Variants in CLDND2 observed in about 807,000 individuals in gnomAD.
The protein encoded by CLDND2 is claudin domain-containing protein 2.
A neutral mutation model predicts 17.7 loss-of-function variants in CLDND2; 18 were observed. That is an observed-to-expected ratio of 1.02 (90% CI 0.70 to 1.51). The LOEUF (loss-of-function observed/expected upper bound fraction) is 1.51. Among genes scored for constraint, CLDND2 ranks in the 40% most tolerant of loss-of-function variants. The pLI is 0.00. For missense variants in CLDND2, 233 were observed against 219.6 expected (o/e 1.06, Z -0.39); for synonymous variants, 113 against 93.0 (o/e 1.22, Z -1.24).
chr19:51,366,755 C>T (rs185361743), downstream of CLDND2, among the ~76,000 whole-genome samples: 49 of 152,208 alleles, frequency 3.2e-4, no homozygotes, highest in African/African-American at 1.1e-3. Context: ...TACTCGTATT[C>T]CCACGCCTCT....
chr19:51,368,739 A>G lies in CLDND2; in HGVS notation c.-162T>C, dbSNP rs1460447522. 6.7e-6 allele frequency: 4 copies of G among 600,710 alleles called. No homozygotes were observed. The African/African-American group carries it at 7.6e-5, about 11-fold the overall frequency. 37.2% of individuals were successfully genotyped at this position (600,710 alleles called of 1,614,324 possible). ...ACCTGGAGACCCCCCTCCCTCAACA[A>G]CCCTGCCTGAGGATCCACAACCTCC... On this transcript the variant is annotated 5_prime_UTR_variant, in exon 1 of 4. Coordinates refer to ENST00000291715, the MANE Select transcript of CLDND2 (RefSeq NM_152353.3).
At position 51,368,679 on chromosome 19, in the gene CLDND2, C is replaced by G. The variant is rs1054389133; in HGVS notation, c.-102G>C. 2.8e-5 allele frequency: 28 copies of G among 1,002,928 alleles called. No individual in the cohort carries two copies. Among genetic ancestry groups the G allele is most frequent in the Non-Finnish European group, 3.7e-5 (26 of 700,776 alleles). The allele number at this position is 1,002,928 out of a possible 1,614,324, so 62.1% of individuals were successfully genotyped here. A position where few individuals can be genotyped will look rare whatever the true frequency, so the allele number is the denominator to read the frequency against. ...GAGCCCGCTTCCTCCACACTCCTCC[C>G]CTGGTACTCCTGCCTGAGGTCCCTG... On this transcript the variant is annotated 5_prime_UTR_variant, in exon 1 of 4. Transcript: ENST00000291715.
Position 51,368,511 on chromosome 19 carries a change from C to A in CLDND2, c.67G>T (p.Val23Leu). Residue 23 changes from valine to leucine, a missense_variant, in exon 1 of 4, where the codon GTG becomes TTG. By Grantham distance (32) the Val-to-Leu change is conservative. Transcript: ENST00000291715. ...CAGTAGTTGGTGGCCGTGGAGAGCA[C>A]CATGAGGACGTTGGCCACGAGGCTG... ...LLSLVANVLM[V>L]LSTATNYWTR... The A allele has an allele frequency of 6.2e-7, 1 of 1,614,126 alleles. No individual in the cohort carries two copies. The highest frequency in any genetic ancestry group is 1.1e-5 in the South Asian group (1 of 91,088).
chr19:51,368,722 A>AC lies in CLDND2; in HGVS notation c.-146dup, dbSNP rs1240967001. The AC allele has an allele frequency of 4.5e-6, 3 of 670,096 alleles. No individual in the cohort carries two copies. Among genetic ancestry groups the AC allele is most frequent in the African/African-American group, 1.9e-5 (1 of 53,972 alleles). 41.5% of individuals were successfully genotyped at this position (670,096 alleles called of 1,614,324 possible). A position where few individuals can be genotyped will look rare whatever the true frequency, so the allele number is the denominator to read the frequency against. The stretch of plus-strand genomic sequence containing the variant: ...GGTCCCTGCTTCTGGGGACCTGGAG[A>AC]CCCCCCTCCCTCAACAACCCTGCCT... On this transcript the variant is annotated 5_prime_UTR_variant, in exon 1 of 4. Transcript: ENST00000291715.
chr19:51,367,262 G>A lies in CLDND2; in HGVS notation c.431-47C>T. The A allele has an allele frequency of 6.3e-7, 1 of 1,599,338 alleles. No individual in the cohort carries two copies. The highest frequency in any genetic ancestry group is 8.6e-7 in the Non-Finnish European group (1 of 1,167,296). On this transcript the variant is annotated intron_variant, in intron 3 of 3. Transcript: ENST00000291715. This position sits in a 1 kb window ranked among gnomAD's most constrained non-coding sequence, Gnocchi z 7.4. ...GCAGGGAGAGGAAGGTGGGCCCTGG[G>A]GCGGATGGCCGGGAGGGCCCCGGGG...
rs978265468 is a variant in CLDND2, at chr19:51,367,653, GC to G, written c.311-78del. On this transcript the variant is annotated intron_variant, in intron 2 of 3. Coordinates refer to ENST00000291715, the MANE Select transcript of CLDND2 (RefSeq NM_152353.3). This position sits in a 1 kb window ranked among gnomAD's most constrained non-coding sequence, Gnocchi z 7.4. ...ACCCAGGCCACGCCCCTTCAGACCC[GC>G]CCCCTTCTATCAGACCACGCCTATC... The G allele has an allele frequency of 1.2e-5, 19 of 1,535,810 alleles. No homozygotes were observed. The South Asian group carries it at 1.9e-4, about 16-fold the overall frequency.
chr19:51,368,653 G>A lies in CLDND2; in HGVS notation c.-76C>T. On this transcript the variant is annotated 5_prime_UTR_variant, in exon 1 of 4. Coordinates refer to ENST00000291715, the MANE Select transcript of CLDND2 (RefSeq NM_152353.3). ...TTCCTACCCCGAGGCCCCCAGCTGA[G>A]GAGCCCGCTTCCTCCACACTCCTCC... The A allele has an allele frequency of 7.5e-7, 1 of 1,341,972 alleles. No homozygotes were observed. Among genetic ancestry groups the A allele is most frequent in the Admixed American group, 2.2e-5 (1 of 44,972 alleles). The allele number at this position is 1,341,972 out of a possible 1,614,324, so 83.1% of individuals were successfully genotyped here.
chr19:51,368,211 C>T (rs1568474113), intron 1 of CLDND2, 185 bp from the exon 2 acceptor site: 1 of 870,776 alleles, frequency 1.1e-6, no homozygotes. Context: ...GCGGTTACTG[C>T]CGCTACCAGG....
Position 51,368,434 on chromosome 19 carries a change from G to C in CLDND2, c.144C>G (p.Gly48=). ...HSGLWQECNH[G]ICSSIPCQTT... Reference sequence around the variant, plus strand: ...TCTGGCAGGGGATGCTGGAGCAGATGCCGTGGTTGCATTCCTGCCACAGGC... The same window carrying C: ...TCTGGCAGGGGATGCTGGAGCAGATCCCGTGGTTGCATTCCTGCCACAGGC... Residue 48 remains glycine, a synonymous_variant, in exon 1 of 4, where the codon GGC becomes GGG. Transcript: ENST00000291715. 1 of 1,613,500 alleles carries C rather than the reference G, an allele frequency of 6.2e-7. No homozygotes were observed. The highest frequency in any genetic ancestry group is 1.6e-4 in the Middle Eastern group (1 of 6,062).
rs1310555112 is a variant in CLDND2, at chr19:51,368,484, T to A, written c.94A>T (p.Thr32Ser). The change falls in exon 1 of 4, where the codon ACC (threonine) becomes TCC (serine). Residue 32 changes from threonine (T) to serine (S), a missense_variant. Coordinates refer to ENST00000291715, the MANE Select transcript of CLDND2 (RefSeq NM_152353.3). Reference sequence around the variant, plus strand: ...CCACTGTGGCCCTCTTGTTGGCGGGTCCAGTAGTTGGTGGCCGTGGAGAGC... The same window carrying A: ...CCACTGTGGCCCTCTTGTTGGCGGGACCAGTAGTTGGTGGCCGTGGAGAGC... ...MVLSTATNYW[T>S]RQQEGHSGLW... 1 of 1,613,858 alleles carries A rather than the reference T, an allele frequency of 6.2e-7. No individual in the cohort carries two copies. Among genetic ancestry groups the A allele is most frequent in the African/African-American group, 1.3e-5 (1 of 74,916 alleles).
In CLDND2 at chr19:51,367,885, C is replaced by T. The variant is rs759041609; in HGVS notation, c.310+1G>A. On this transcript the variant is annotated splice_donor_variant, in intron 2 of 3. Transcript: ENST00000291715. LOFTEE classifies it high-confidence loss of function. This position sits in a 1 kb window ranked among gnomAD's most constrained non-coding sequence, Gnocchi z 7.4. ...CCGCCTGGGGCGGTCTGCAGTCTCA[C>T]CGCCGAGGAAGAGGAAGGCGCTCGT... 6.2e-7 allele frequency: 1 copy of T among 1,610,214 alleles called. No homozygotes were observed. The highest frequency in any genetic ancestry group is 1.1e-5 in the South Asian group (1 of 90,942).
At position 51,367,494 on chromosome 19, in the gene CLDND2, A is replaced by G. The variant is rs1324972016; in HGVS notation, c.393T>C (p.Phe131=). ...KNNVFFSWSY[F]SGWLALPFSI... is the part of the protein sequence containing the mutation. ...AGAAGGGTAAGGCCAGCCACCCAGA[A>G]AAATAGGACCAAGAGAAGAAGACGT... Residue 131 remains phenylalanine, a synonymous_variant, in exon 3 of 4, where the codon TTT becomes TTC. Transcript: ENST00000291715. This position sits in a 1 kb window ranked among gnomAD's most constrained non-coding sequence, Gnocchi z 7.4. 6.2e-7 allele frequency: 1 copy of G among 1,607,158 alleles called. No individual in the cohort carries two copies. Among genetic ancestry groups the G allele is most frequent in the Non-Finnish European group, 8.5e-7 (1 of 1,176,378 alleles).
At position 51,368,597 on chromosome 19, in the gene CLDND2, G is replaced by C; in HGVS notation, c.-20C>G. ...CCCCATGCCACTGAGGCTGCAGCCG[G>C]GGGCCACAAGGGCAGGATGGGCCCA... On this transcript the variant is annotated 5_prime_UTR_variant, in exon 1 of 4. Coordinates refer to ENST00000291715, the MANE Select transcript of CLDND2 (RefSeq NM_152353.3). 2 of 1,607,008 alleles carry C rather than the reference G, an allele frequency of 1.2e-6. No homozygotes were observed. The highest frequency in any genetic ancestry group is 1.7e-6 in the Non-Finnish European group (2 of 1,177,570).
At position 51,367,459 on chromosome 19, in the gene CLDND2, G is replaced by C. The variant is rs748645509; in HGVS notation, c.428C>G (p.Ala143Gly). 1.0e-5 allele frequency: 16 copies of C among 1,597,854 alleles called. No homozygotes were observed. The highest frequency in any genetic ancestry group is 6.8e-6 in the Non-Finnish European group (8 of 1,171,364). ...GWLALPFSILAGFCFLLADMI... is the reference protein window; with the variant it reads ...GWLALPFSILGGFCFLLADMI... ...CCTCTTCCCGCTGTCCAGTTTACCC[G>C]CGAGAATTGAGAAGGGTAAGGCCAG... Residue 143 changes from alanine (A) to glycine (G), a missense_variant and splice_region_variant, in exon 3 of 4, where the codon GCG becomes GGG. Transcript: ENST00000291715. The surrounding 1 kb of genome is among the most constrained non-coding windows in gnomAD (Gnocchi z 7.4).
At position 51,367,567 on chromosome 19, in the gene CLDND2, A is replaced by T; in HGVS notation, c.320T>A (p.Leu107Gln). 6.2e-7 allele frequency: 1 copy of T among 1,611,968 alleles called. No homozygotes were observed. ...GGTGTAGCCTATCAAGGCGGTCAGC[A>T]GCAGCAGTCCTGGGCCCCGCCCAGC... ...SAFLFLGGLL[L>Q]LTALIGYTVK... Residue 107 changes from leucine (L) to glutamine (Q), a missense_variant, in exon 3 of 4, where the codon CTG (leucine) becomes CAG (glutamine). Physicochemically the swap from Leu to Gln is moderately radical, Grantham distance 113 (BLOSUM62 -2). Coordinates refer to ENST00000291715, the MANE Select transcript of CLDND2 (RefSeq NM_152353.3). This position sits in a 1 kb window ranked among gnomAD's most constrained non-coding sequence, Gnocchi z 7.4.
In CLDND2 at chr19:51,367,432, A is replaced by T; in HGVS notation, c.430+25T>A. 1 of 1,582,862 alleles carries T rather than the reference A, an allele frequency of 6.3e-7. No homozygotes were observed. Among genetic ancestry groups the T allele is most frequent in the East Asian group, 2.3e-5 (1 of 43,940 alleles). On this transcript the variant is annotated intron_variant, in intron 3 of 3. Transcript: ENST00000291715. The surrounding 1 kb of genome is among the most constrained non-coding windows in gnomAD (Gnocchi z 7.4). ...GAGGGTCTTCTGGGCAGTCTCCTCCACCCTCTTCCCGCTGTCCAGTTTACC... is the reference window on the plus strand; with the variant it reads ...GAGGGTCTTCTGGGCAGTCTCCTCCTCCCTCTTCCCGCTGTCCAGTTTACC...
rs1986557167 is a variant in CLDND2, at chr19:51,368,939, C to T, written c.-362G>A. The T allele has an allele frequency of 2.6e-5, 5 of 192,744 alleles. No individual in the cohort carries two copies. The highest frequency in any genetic ancestry group is 1.1e-4 in the Admixed American group (2 of 17,580). The allele number at this position is 192,744 out of a possible 1,614,324, so 11.9% of individuals were successfully genotyped here. A position where few individuals can be genotyped will look rare whatever the true frequency, so the allele number is the denominator to read the frequency against. ...TGTCCTCCCCAGACACCCCTCCACA[C>T]AGGCCCACCTAAGTGACTCACACCC... On this transcript the variant is annotated 5_prime_UTR_variant, in exon 1 of 4. The change creates a new upstream start codon in the 5' untranslated region. Coordinates refer to ENST00000291715, the MANE Select transcript of CLDND2 (RefSeq NM_152353.3).
At position 51,367,465 on chromosome 19, in the gene CLDND2, A is replaced by G; in HGVS notation, c.422T>C (p.Ile141Thr). 1.2e-6 allele frequency: 2 copies of G among 1,600,276 alleles called. No homozygotes were observed. Among genetic ancestry groups the G allele is most frequent in the Non-Finnish European group, 1.7e-6 (2 of 1,172,614 alleles). The change falls in exon 3 of 4, where the codon ATT (isoleucine) becomes ACT (threonine). Residue 141 changes from isoleucine (I) to threonine (T), a missense_variant. Physicochemically the swap from Ile to Thr is moderately conservative, Grantham distance 89. Coordinates refer to ENST00000291715, the MANE Select transcript of CLDND2 (RefSeq NM_152353.3). The surrounding 1 kb of genome is among the most constrained non-coding windows in gnomAD (Gnocchi z 7.4). ...CCCGCTGTCCAGTTTACCCGCGAGAATTGAGAAGGGTAAGGCCAGCCACCC... is the reference window on the plus strand; with the variant it reads ...CCCGCTGTCCAGTTTACCCGCGAGAGTTGAGAAGGGTAAGGCCAGCCACCC... ...FSGWLALPFS[I>T]LAGFCFLLAD... is the part of the protein sequence containing the mutation.
At chr19:51,368,223 C>T (rs1599852845) in intron 1 of CLDND2, 186 bp downstream of exon 1, 1 of 881,230 alleles carries the variant, frequency 1.1e-6, no homozygotes, top group East Asian at 2.6e-5. Context: ...GCTACCAGGA[C>T]GGGGAGGGGG....
Sources: gnomAD v4.1 joint callset for allele counts (sites outside exome capture counted in the v4.1 genomes callset) on GRCh38, gnomAD v4.1.1 for gene constraint, Gnocchi (gnomAD v3.1) non-coding constraint, MANE v1.5 for transcripts, NCBI Gene and HGNC (gene_info 2026-07-23, HGNC 2026-07-21) for gene names.